The following ZNF674 variants were observed in gnomAD, a reference collection of about 807,000 sequenced individuals.
The protein encoded by ZNF674 is zinc finger family member 674.
Under a neutral mutation model 7.0 loss-of-function variants are expected in ZNF674, and 2 were observed. The observed-to-expected ratio is 0.29, with a 90% CI of 0.12 to 0.90. The LOEUF (loss-of-function observed/expected upper bound fraction) is 0.90, where lower values mean the gene tolerates loss of function less well. ZNF674 is among the 40% of genes least tolerant of loss of function. The probability of loss-of-function intolerance (pLI) is 0.57; values close to 1 mark genes in which losing one functional copy is unlikely to be tolerated. For missense variants in ZNF674, 297 were observed against 415.5 expected (o/e 0.71, Z 2.48); for synonymous variants, 103 against 145.2 (o/e 0.71, Z 2.09).
intron 5 of ZNF674, among the ~76,000 whole-genome samples, chrX:46,512,410 A>T (rs1381388138): frequency 9.0e-6 from 1 of 111,092 alleles, no homozygotes; most frequent in Non-Finnish European, 1.9e-5. Context: ...TTAAATTTTT[A>T]AAAAATTATA....
intron 5 of ZNF674, among the ~76,000 whole-genome samples, chrX:46,505,199 T>C (rs1941511065): frequency 8.9e-6 from 1 of 112,077 alleles, no homozygotes; most frequent in African/African-American, 3.2e-5. Flanking sequence ...GTTTCTTTTA[T>C]TTTTAAAAAA....
At chrX:46,517,615 A>G (rs991393833) in intron 5 of ZNF674, among the ~76,000 whole-genome samples, 3 of 112,062 alleles carry the variant, frequency 2.7e-5, no homozygotes, top group African/African-American at 9.7e-5. Flanking sequence ...CTACAAGGAA[A>G]CAAGGATTCA....
rs377020912 is a variant in ZNF674 at position 46,498,122 on chromosome X, G to A, written c.*1721C>T. The A allele has an allele frequency of 4.3e-4, 47 of 110,470 alleles. No homozygotes were observed. Among genetic ancestry groups the A allele is most frequent in the African/African-American group, 5.9e-4 (18 of 30,417 alleles). The allele number at this position is 110,470 out of a possible 1,213,427, so 9.1% of individuals were successfully genotyped here. On this transcript the variant is annotated 3_prime_UTR_variant, in exon 6 of 6. Coordinates refer to ENST00000683375, the MANE Select transcript of ZNF674 (RefSeq NM_001190417.2). ...TATTTTTTACCTAATGATTTACCAC[G>A]AACATTTTCCCAAATTTGCCAGTAG... is the stretch of plus-strand genomic sequence containing the variant.
At chrX:46,536,622 T>C (rs867218605) in intron 3 of ZNF674, among the ~76,000 whole-genome samples, 1 of 96,691 alleles carries the variant, frequency 1.0e-5, no homozygotes, top group African/African-American at 3.8e-5. Context: ...ACGGGCATGG[T>C]GGTTTGTGCC....
At chrX:46,538,713 A>G (rs906029586) in intron 3 of ZNF674, among the ~76,000 whole-genome samples, 49 of 111,506 alleles carry the variant, frequency 4.4e-4, no homozygotes, top group African/African-American at 1.6e-3. Context: ...CCAACACAGT[A>G]AGACTCCAGC....
intron 3 of ZNF674, among the ~76,000 whole-genome samples, chrX:46,539,160 G>A (rs962622789): frequency 8.9e-5 from 10 of 112,018 alleles, no homozygotes; most frequent in African/African-American, 3.2e-4. Context: ...ACTGTAGCCT[G>A]GGTGACAGAC....
At chrX:46,530,230 G>A (rs998920077) in intron 3 of ZNF674, among the ~76,000 whole-genome samples, 1 of 112,138 alleles carries the variant, frequency 8.9e-6, no homozygotes, top group African/African-American at 3.2e-5. Flanking sequence ...CAGGAGAGGG[G>A]CAGGAAAGCC....
chrX:46,512,131 C>T (rs967855997), intron 5 of ZNF674, among the ~76,000 whole-genome samples: 2 of 111,600 alleles, frequency 1.8e-5, no homozygotes, highest in Non-Finnish European at 3.8e-5. Flanking sequence ...GAGGCCGAGG[C>T]GGGAGGATCA....
At chrX:46,504,553 G>T (rs1474481325) in intron 5 of ZNF674, among the ~76,000 whole-genome samples, 1 of 110,851 alleles carries the variant, frequency 9.0e-6, no homozygotes, top group African/African-American at 3.3e-5. Flanking sequence ...ATGTTGGCCA[G>T]GCTGGTCTCA....
chrX:46,527,894 T>TA (rs376612095), intron 5 of ZNF674: 164 of 117,501 alleles, frequency 1.4e-3, no homozygotes, highest in East Asian at 7.4e-3. Flanking sequence ...TCCTTGAGTC[T>TA]AAAAAAAAAA....
At chrX:46,527,558 G>A (rs1338781188) in intron 5 of ZNF674, among the ~76,000 whole-genome samples, 1 of 111,754 alleles carries the variant, frequency 8.9e-6, no homozygotes, top group Admixed American at 9.6e-5. Context: ...AAACAGTTTA[G>A]CAGTGTTTTA....
intron 3 of ZNF674, among the ~76,000 whole-genome samples, chrX:46,538,661 G>GTAGGAGAA (rs1207453995): frequency 8.9e-6 from 1 of 111,733 alleles, no homozygotes; most frequent in African/African-American, 3.3e-5. Flanking sequence ...GAAGGCGAGG[G>GTAGGAGAA]TAGGAGAATT....
At chrX:46,511,320 C>T (rs1462832463) in intron 5 of ZNF674, among the ~76,000 whole-genome samples, 1 of 111,808 alleles carries the variant, frequency 8.9e-6, no homozygotes, top group Non-Finnish European at 1.9e-5. Context: ...GATTTCTGTA[C>T]ACATGATTTT....
At chrX:46,501,668 G>A (rs1426470831) in intron 5 of ZNF674, among the ~76,000 whole-genome samples, 26 of 108,599 alleles carry the variant, frequency 2.4e-4, no homozygotes, top group Non-Finnish European at 3.8e-5. Context: ...ATATATGTGT[G>A]TGTGTGTGTG....
At chrX:46,537,360 T>C (rs904926697) in intron 3 of ZNF674, among the ~76,000 whole-genome samples, 4 of 108,977 alleles carry the variant, frequency 3.7e-5, no homozygotes, top group African/African-American at 1.0e-4. Context: ...AGTAGGAGCA[T>C]ATTTTCATTA....
chrX:46,521,039 TAG>T (rs1941900216), intron 5 of ZNF674, among the ~76,000 whole-genome samples: 1 of 109,302 alleles, frequency 9.1e-6, no homozygotes, highest in Admixed American at 9.8e-5. Context: ...TACAAAAAAT[TAG>T]CTGGGCATGG....
In ZNF674 at chrX:46,501,101, T is replaced by C. The variant is rs772716072; in HGVS notation, c.473A>G (p.Asn158Ser). Residue 158 changes from asparagine (N) to serine (S), a missense_variant, in exon 6 of 6, where the codon AAT becomes AGT. Physicochemically the swap from Asn to Ser is conservative, Grantham distance 46. Coordinates refer to ENST00000683375, the MANE Select transcript of ZNF674 (RefSeq NM_001190417.2). ...SKHHLNFLGQ[N>S]RSYVRKKDDG... is the part of the protein sequence containing the mutation. ...ATCTTTCTTTCTTACATAGCTTCTA[T>C]TTTGACCAAGAAAGTTTAAATGATG... 1 of 1,205,132 alleles carries C rather than the reference T, an allele frequency of 8.3e-7. No homozygotes were observed. Among genetic ancestry groups the C allele is most frequent in the African/African-American group, 1.7e-5 (1 of 57,155 alleles).
At chrX:46,508,488 C>G (rs1372145630) in intron 5 of ZNF674, among the ~76,000 whole-genome samples, 1 of 110,985 alleles carries the variant, frequency 9.0e-6, no homozygotes, top group Non-Finnish European at 1.9e-5. Context: ...AGTTTTTTTC[C>G]AATTCTGTGA....
intron 5 of ZNF674, among the ~76,000 whole-genome samples, chrX:46,520,076 G>T (rs1403117987): frequency 8.9e-6 from 1 of 112,117 alleles, no homozygotes; most frequent in African/African-American, 3.2e-5. Context: ...GGCTATAAGA[G>T]GAGATGGGCT....
Sources: allele counts gnomAD v4.1 joint callset (sites outside exome capture counted in the v4.1 genomes callset), GRCh38; gene constraint gnomAD v4.1.1; transcripts MANE v1.5; gene names NCBI Gene and HGNC (gene_info 2026-07-23, HGNC 2026-07-21).